The following SYNRG variants were observed in gnomAD, a reference collection of about 807,000 sequenced individuals.
SYNRG encodes the protein AP1 gamma subunit binding protein 1.
Under a neutral mutation model 130.9 loss-of-function variants are expected in SYNRG, and 37 were observed. The observed-to-expected ratio is 0.28, with a 90% CI of 0.22 to 0.37. The LOEUF (loss-of-function observed/expected upper bound fraction) is 0.37. SYNRG is among the 10% of genes least tolerant of loss of function. The probability of loss-of-function intolerance (pLI) is 1.00; values close to 1 mark genes in which losing one functional copy is unlikely to be tolerated. For synonymous variants in SYNRG, 539 were observed against 568.1 expected (o/e 0.95, Z 0.73); for missense variants, 1,338 against 1,588.9 (o/e 0.84, Z 2.68).
At chr17:37,595,066 TG>T (rs999229658) in intron 3 of SYNRG, among the ~76,000 whole-genome samples, 26 of 152,210 alleles carry the variant, frequency 1.7e-4, no homozygotes, top group African/African-American at 6.3e-4. Context: ...CACTGAGATC[TG>T]GGGACTGTTT....
intron 19 of SYNRG, 57 bp from the exon 20 acceptor site, chr17:37,520,705 T>G (rs2054906782): frequency 7.0e-7 from 1 of 1,427,644 alleles, no homozygotes; most frequent in Non-Finnish European, 9.9e-7. Flanking sequence ...CGCTGTTCAC[T>G]TCACTCCCTC....
chr17:37,518,982 G>A lies in SYNRG; in HGVS notation c.3903C>T (p.Val1301=), dbSNP rs768592002. Residue 1301 remains valine (V), a synonymous_variant, in exon 22 of 22, where the codon GTC becomes GTT. Transcript: ENST00000612223. ...GGACGAGGCCAGGAGGCTTTGGTTC[G>A]ACACAGTTGATCCAGAAGTTGGCAC... is the stretch of plus-strand genomic sequence containing the variant. ...ASCANFWINC[V]EPKPPGLVLP... 62 of 1,614,062 alleles carry A rather than the reference G, an allele frequency of 3.8e-5. 1 individual carries two copies. The highest frequency in any genetic ancestry group is 2.2e-4 in the East Asian group (10 of 44,896).
At chr17:37,548,147 T>G (rs2058428524) in intron 14 of SYNRG, among the ~76,000 whole-genome samples, 1 of 152,202 alleles carries the variant, frequency 6.6e-6, no homozygotes, top group South Asian at 2.1e-4. Context: ...TGGACCAATC[T>G]AGCATTACAG....
chr17:37,606,804 A>G (rs1362581681), intron 1 of SYNRG, among the ~76,000 whole-genome samples: 1 of 152,214 alleles, frequency 6.6e-6, no homozygotes, highest in African/African-American at 2.4e-5. Context: ...TTAGCCTCTT[A>G]GAATATAGAG....
intron 13 of SYNRG, among the ~76,000 whole-genome samples, chr17:37,556,625 TTCA>T (rs2059143548): frequency 6.6e-6 from 1 of 151,746 alleles, no homozygotes; most frequent in African/African-American, 2.4e-5. Flanking sequence ...ACCAGCATAA[TTCA>T]TCAACACCAA....
intron 6 of SYNRG, among the ~76,000 whole-genome samples, chr17:37,582,061 C>T (rs776048673): frequency 2.0e-5 from 3 of 152,138 alleles, no homozygotes; most frequent in Non-Finnish European, 4.4e-5. Flanking sequence ...CCGCACCTGG[C>T]CTCCCCACAT....
chr17:37,593,391 C>T (rs907255674), intron 3 of SYNRG, among the ~76,000 whole-genome samples: 3 of 152,062 alleles, frequency 2.0e-5, no homozygotes, highest in Middle Eastern at 3.4e-3. Flanking sequence ...CCAGCCTGGG[C>T]AACAGAGCCA....
intron 2 of SYNRG, among the ~76,000 whole-genome samples, chr17:37,597,039 G>C (rs1008027517): frequency 6.6e-6 from 1 of 152,200 alleles, no homozygotes; most frequent in Non-Finnish European, 1.5e-5. Flanking sequence ...ACTGTGCCTG[G>C]CCTGAAGGCT....
chr17:37,561,056 T>G, intron 13 of SYNRG, 139 bp downstream of exon 13: 3 of 706,834 alleles, frequency 4.2e-6, no homozygotes, highest in Non-Finnish European at 7.4e-6. Flanking sequence ...CATATTGTTT[T>G]GTCCATTCAG....
intron 14 of SYNRG, among the ~76,000 whole-genome samples, chr17:37,544,504 G>A (rs892701906): frequency 4.6e-5 from 7 of 151,928 alleles, no homozygotes; most frequent in Non-Finnish European, 8.8e-5. Context: ...GAGTAGAGAC[G>A]GGGTTTCACC....
intron 13 of SYNRG, among the ~76,000 whole-genome samples, chr17:37,555,360 CG>C (rs1323031606): frequency 6.6e-6 from 1 of 152,196 alleles, no homozygotes; most frequent in Non-Finnish European, 1.5e-5. Flanking sequence ...CTCCTGACCT[CG>C]GCTGATCCAC....
chr17:37,584,657 T>C lies in SYNRG; in HGVS notation c.580A>G (p.Lys194Glu). ...KMHPTPASHP[K>E]KPGPSLEEKF... ...TGCCTCTTAAAACTACCTGGTTTCT[T>C]GGGGTGCGATGCTGGAGTAGGGTGC... Residue 194 changes from lysine to glutamate, a missense_variant, in exon 6 of 22, where the codon AAG becomes GAG. Lys to Glu is a moderately conservative substitution (Grantham distance 56). Around this residue, in one of 3 missense-constraint regions of SYNRG, gnomAD observed 1,146 missense variants for 1,342.3 expected, o/e 0.85. Coordinates refer to ENST00000612223, the MANE Select transcript of SYNRG (RefSeq NM_007247.6). 5 of 1,613,194 alleles carry C rather than the reference T, an allele frequency of 3.1e-6. No homozygotes were observed. The highest frequency in any genetic ancestry group is 4.2e-6 in the Non-Finnish European group (5 of 1,179,288).
intron 19 of SYNRG, among the ~76,000 whole-genome samples, chr17:37,525,765 A>G (rs899881804): frequency 5.3e-5 from 8 of 152,222 alleles, no homozygotes; most frequent in African/African-American, 1.9e-4. Context: ...CAGGCTTTGG[A>G]GACCAGCCTG....
intron 15 of SYNRG, 99 bp downstream of exon 15, chr17:37,541,873 T>A (rs753909552): frequency 1.5e-4 from 171 of 1,135,916 alleles, no homozygotes; most frequent in Non-Finnish European, 2.0e-4. Context: ...AACAATCTAT[T>A]TCCTGCGAAA....
At chr17:37,589,973 TCA>T (rs1177582520) in intron 3 of SYNRG, among the ~76,000 whole-genome samples, 37 of 151,822 alleles carry the variant, frequency 2.4e-4, no homozygotes, top group African/African-American at 8.5e-4. Flanking sequence ...GAGTTCCAGA[TCA>T]GCCTGGACAA....
At chr17:37,595,228 C>T (rs1029131889) in intron 3 of SYNRG, among the ~76,000 whole-genome samples, 1 of 152,146 alleles carries the variant, frequency 6.6e-6, no homozygotes, top group South Asian at 2.1e-4. Flanking sequence ...TTTGCATAAT[C>T]GACTTCAAAA....
intron 14 of SYNRG, among the ~76,000 whole-genome samples, chr17:37,551,786 TAA>T (rs200233566): frequency 2.6e-5 from 2 of 76,148 alleles, no homozygotes; most frequent in Admixed American, 3.1e-4. Flanking sequence ...AAGCAGCTCA[TAA>T]AAAAAAAAAA....
chr17:37,597,467 GAC>G (rs1344229516), intron 2 of SYNRG, among the ~76,000 whole-genome samples: 1 of 152,214 alleles, frequency 6.6e-6, no homozygotes, highest in Admixed American at 6.5e-5. Flanking sequence ...AACTAGAAAT[GAC>G]ACATACTATT....
At chr17:37,540,267 T>G in intron 16 of SYNRG, 113 bp downstream of exon 16, 1 of 1,262,460 alleles carries the variant, frequency 7.9e-7, no homozygotes, top group South Asian at 1.4e-5. Flanking sequence ...GTCTGGTGCT[T>G]TGTGTCTTTC....
Sources: allele counts gnomAD v4.1 joint callset (sites outside exome capture counted in the v4.1 genomes callset), GRCh38; gene constraint gnomAD v4.1.1; regional missense constraint gnomAD v4.1.1; transcripts MANE v1.5; gene names NCBI Gene and HGNC (gene_info 2026-07-23, HGNC 2026-07-21).